Variants in RAF1 observed in about 807,000 individuals in gnomAD.
RAF1 encodes Raf-1 proto-oncogene, serine/threonine kinase.
A neutral mutation model predicts 81.1 loss-of-function variants in RAF1; 27 were observed. The observed-to-expected ratio is 0.33, with a 90% CI of 0.25 to 0.46. RAF1 has a LOEUF of 0.46. Among genes scored for constraint, RAF1 ranks in the 20% least tolerant of loss-of-function variants. RAF1 has a pLI of 1.00. For missense variants in RAF1, 598 were observed against 826.0 expected (o/e 0.72, Z 3.38); for synonymous variants, 298 against 294.0 (o/e 1.01, Z -0.14).
chr3:12,587,669 G>C (rs1222909261), intron 13 of RAF1, 32 bp from the exon 13 acceptor site: 1 of 1,567,830 alleles, frequency 6.4e-7, no homozygotes, highest in Non-Finnish European at 8.8e-7. Context: ...TTAAAAATAA[G>C]TTTGAGGGGC....
chr3:12,611,517 G>A (rs568266851), intron 3 of RAF1, among the ~76,000 whole-genome samples: 4 of 152,180 alleles, frequency 2.6e-5, no homozygotes, highest in South Asian at 2.1e-4. Context: ...TGGCTAACAC[G>A]GTGAAACCCC....
intron 1 of RAF1, among the ~76,000 whole-genome samples, chr3:12,655,287 T>A (rs1028197541): frequency 4.6e-5 from 7 of 152,128 alleles, no homozygotes; most frequent in Non-Finnish European, 1.0e-4. Context: ...GGTTTCACCA[T>A]GTTGGCCAGG....
In RAF1 at chr3:12,583,629, A is replaced by AAAT. The variant is rs1460332526; in HGVS notation, c.*882_*884dup. ...CACCTAAATTTAATTTATTTTATTA[A>AAAT]AATAACATAATTGAGGGACCATCAG... is the stretch of plus-strand genomic sequence containing the variant. On this transcript the variant is annotated 3_prime_UTR_variant, in exon 18 of 18. Transcript: ENST00000442415. 8.6e-6 allele frequency: 2 copies of AAAT among 232,440 alleles called. No homozygotes were observed. Among genetic ancestry groups the AAAT allele is most frequent in the South Asian group, 1.8e-4 (1 of 5,536 alleles). The allele number at this position is 232,440 out of a possible 1,614,324, so 14.4% of individuals were successfully genotyped here.
intron 1 of RAF1, among the ~76,000 whole-genome samples, chr3:12,662,307 G>T (rs1238303801): frequency 7.7e-6 from 1 of 129,414 alleles, no homozygotes; most frequent in African/African-American, 3.0e-5. Flanking sequence ...CTGCACTCTA[G>T]CCTGGGCGAC....
At chr3:12,589,797 T>G (rs548343004) in intron 13 of RAF1, 8 of 150,834 alleles carry the variant, frequency 5.3e-5, no homozygotes, top group South Asian at 4.2e-4. Flanking sequence ...TTTTGGGTTT[T>G]TTTTTTTTTT....
At chr3:12,663,292 C>G (rs993776248) in intron 1 of RAF1, among the ~76,000 whole-genome samples, 1 of 152,188 alleles carries the variant, frequency 6.6e-6, no homozygotes, top group Non-Finnish European at 1.5e-5. Context: ...TCCTGATACC[C>G]AAGGCTAGTC....
At chr3:12,638,058 A>T (rs980247425) in intron 1 of RAF1, among the ~76,000 whole-genome samples, 1 of 151,932 alleles carries the variant, frequency 6.6e-6, no homozygotes, top group Non-Finnish European at 1.5e-5. Flanking sequence ...CTCTTTACTC[A>T]GCTTTTTGGT....
intron 1 of RAF1, among the ~76,000 whole-genome samples, chr3:12,641,290 C>T (rs1439616755): frequency 1.3e-5 from 2 of 151,504 alleles, no homozygotes; most frequent in Admixed American, 1.3e-4. Context: ...TTAACTGGTG[C>T]AGCACACCAA....
chr3:12,657,045 G>C (rs2125582900), intron 1 of RAF1, among the ~76,000 whole-genome samples: 1 of 151,740 alleles, frequency 6.6e-6, no homozygotes, highest in African/African-American at 2.4e-5. Flanking sequence ...GGAAATGTCA[G>C]CCTCTCTCAA....
chr3:12,632,074 T>C (rs1249154323), intron 1 of RAF1, among the ~76,000 whole-genome samples: 1 of 152,146 alleles, frequency 6.6e-6, no homozygotes, highest in Non-Finnish European at 1.5e-5. Context: ...ACGCCTGTAA[T>C]CTCAGCAGTT....
Position 12,604,254 on chromosome 3 carries a change from G to C in RAF1, c.716C>G (p.Thr239Ser), listed in dbSNP as rs1420447349. The C allele has an allele frequency of 6.2e-7, 1 of 1,614,198 alleles. No homozygotes were observed. ...AGATGAGGGACTGGAGGTGTTAAAG[G>C]TGAAGGCGTGAGGTGTAGAATATCT... is the stretch of plus-strand genomic sequence containing the variant. Residue 239 changes from threonine (T) to serine (S), a missense_variant, in exon 7 of 18, where the codon ACC (threonine) becomes AGC (serine). Thr to Ser is a moderately conservative substitution (Grantham distance 58). Coordinates refer to ENST00000442415, the MANE Select transcript of RAF1 (RefSeq NM_001354689.3).
chr3:12,618,450 A>G, intron 2 of RAF1, 65 bp downstream of exon 2: 1 of 1,548,426 alleles, frequency 6.5e-7, no homozygotes, highest in South Asian at 1.1e-5. Flanking sequence ...TAAGTTGAAC[A>G]TGATCCTTAA....
intron 1 of RAF1, among the ~76,000 whole-genome samples, chr3:12,644,277 C>T (rs1244901334): frequency 4.6e-5 from 7 of 152,262 alleles, no homozygotes; most frequent in Non-Finnish European, 8.8e-5. Context: ...ACATCTGTCA[C>T]ATTAAAGCTA....
At chr3:12,651,551 T>C (rs553624723) in intron 1 of RAF1, among the ~76,000 whole-genome samples, 1 of 151,008 alleles carries the variant, frequency 6.6e-6, no homozygotes, top group South Asian at 2.1e-4. Flanking sequence ...CGAGAATCGC[T>C]GGAACCCGGG....
chr3:12,612,136 T>C, intron 2 of RAF1, 74 bp from the exon 3 acceptor site: 3 of 1,146,196 alleles, frequency 2.6e-6, no homozygotes, highest in Non-Finnish European at 4.0e-6. Flanking sequence ...CAGAAATAAA[T>C]GCACCAGTCT....
chr3:12,594,442 T>A (rs1471310998), intron 11 of RAF1, among the ~76,000 whole-genome samples: 1 of 152,166 alleles, frequency 6.6e-6, no homozygotes, highest in Non-Finnish European at 1.5e-5. Context: ...CGTTTTGTAG[T>A]CCATTCCCTT....
rs148011080 is a variant in RAF1, at chr3:12,612,103, A to G, written c.208-41T>C. On this transcript the variant is annotated intron_variant, in intron 2 of 17. Coordinates refer to ENST00000442415, the MANE Select transcript of RAF1 (RefSeq NM_001354689.3). ...CACCTTTAGGACCAACACAGGCTGC[A>G]GCACCCCTTGGAAAGGTGGGCACAG... is the stretch of plus-strand genomic sequence containing the variant. The G allele has an allele frequency of 1.9e-4, 283 of 1,515,814 alleles. No individual in the cohort carries two copies. The African/African-American group carries it at 3.6e-3, about 19-fold the overall frequency. The allele number at this position is 1,515,814 out of a possible 1,614,324, so 93.9% of individuals were successfully genotyped here.
intron 1 of RAF1, among the ~76,000 whole-genome samples, chr3:12,652,465 G>A (rs1222645942): frequency 3.3e-5 from 5 of 151,850 alleles, no homozygotes; most frequent in South Asian, 2.1e-4. Context: ...GGGCTGCAGT[G>A]AGCCAAGTTC....
chr3:12,630,618 G>C (rs1262710316), intron 1 of RAF1, among the ~76,000 whole-genome samples: 2 of 152,184 alleles, frequency 1.3e-5, no homozygotes. Context: ...AGAACAGCCA[G>C]TGAAAATCCT....
Sources: gnomAD v4.1 joint callset for allele counts (sites outside exome capture counted in the v4.1 genomes callset) on GRCh38, gnomAD v4.1.1 for gene constraint, MANE v1.5 for transcripts, NCBI Gene and HGNC (gene_info 2026-07-23, HGNC 2026-07-21) for gene names.